ANKHD1: variants seen among roughly 807,000 people sequenced by gnomAD.
ANKHD1 encodes ankyrin repeat and KH domain containing 1.
Under a neutral mutation model 230.5 loss-of-function variants are expected in ANKHD1, and 31 were observed. That is an observed-to-expected ratio of 0.13 (90% CI 0.10 to 0.18). The LOEUF is 0.18. Ranked by LOEUF, ANKHD1 falls within the 10% of genes least tolerant of loss-of-function variation. The pLI, the probability that ANKHD1 is intolerant of heterozygous loss-of-function variation, is 1.00. For missense variants in ANKHD1, 2,256 were observed against 3,071.3 expected, an observed-to-expected ratio of 0.73 and a Z score of 6.27; for synonymous variants, 1,074 against 1,117.6, an observed-to-expected ratio of 0.96 and a Z score of 0.78.
intron 2 of ANKHD1, among the ~76,000 whole-genome samples, chr5:140,437,034 ATATACT>A: frequency 6.6e-6 from 1 of 152,250 alleles, no homozygotes; most frequent in East Asian, 1.9e-4. Flanking sequence ...CAAGGTTTAC[ATATACT>A]TCTAGACTTT....
Position 140,504,867 on chromosome 5 carries a change from C to T in ANKHD1, c.3051C>T (p.Thr1017=). 1.2e-6 allele frequency: 2 copies of T among 1,614,112 alleles called. No individual in the cohort carries two copies. Among genetic ancestry groups the T allele is most frequent in the Non-Finnish European group, 1.7e-6 (2 of 1,180,016 alleles). The change falls in exon 16 of 34, where the codon ACC becomes ACT. Residue 1017 remains threonine, a synonymous_variant. Transcript: ENST00000360839. ...VPTGSNSSSQ[T]TECLTPESCS... is the part of the protein sequence containing the mutation. The stretch of plus-strand genomic sequence containing the variant: ...CTGGTTCCAACAGTTCTTCTCAGAC[C>T]ACAGAGTGTCTTACACCTGAATCCT...
At position 140,459,162 on chromosome 5, in the gene ANKHD1, A is replaced by G; in HGVS notation, c.1481-2A>G. 6.3e-7 allele frequency: 1 copy of G among 1,575,420 alleles called. No individual in the cohort carries two copies. Among genetic ancestry groups the G allele is most frequent in the Non-Finnish European group, 8.6e-7 (1 of 1,159,664 alleles). On this transcript the variant is annotated splice_acceptor_variant, in intron 8 of 33. Coordinates refer to ENST00000360839, the MANE Select transcript of ANKHD1 (RefSeq NM_017747.3). LOFTEE classifies it high-confidence loss of function. ...ATTTTATCTGTTTTTATACTTTCCT[A>G]GGAGCAAATATAAATGCCCAGACAG...
chr5:140,455,086 C>T (rs1475441797), intron 7 of ANKHD1, among the ~76,000 whole-genome samples: 1 of 152,158 alleles, frequency 6.6e-6, no homozygotes, highest in Non-Finnish European at 1.5e-5. Flanking sequence ...TTATAAACAC[C>T]TCTATGCAAA....
chr5:140,433,922 G>C (rs1168644165), intron 1 of ANKHD1, among the ~76,000 whole-genome samples: 1 of 152,114 alleles, frequency 6.6e-6, no homozygotes, highest in Non-Finnish European at 1.5e-5. Flanking sequence ...TGTATGAGCA[G>C]TTGCTTTTCA....
In ANKHD1 at chr5:140,438,771, A is replaced by T. The variant is rs563409175; in HGVS notation, c.617+154A>T. On this transcript the variant is annotated intron_variant, in intron 3 of 33. Transcript: ENST00000360839. ...GTGGATATATAAATGTATATGTATT[A>T]TGTAGCTATACAAATGGATATTTTT... is the stretch of plus-strand genomic sequence containing the variant. Among the ~76,000 whole-genome samples, 84 of 152,348 alleles carry T rather than the reference A, an allele frequency of 5.5e-4. 1 individual carries two copies. Among genetic ancestry groups the T allele is most frequent in the Non-Finnish European group, 9.7e-4 (66 of 68,036 alleles).
chr5:140,417,833 C>CT (rs35322010), intron 1 of ANKHD1, among the ~76,000 whole-genome samples: 34,875 of 106,798 alleles, frequency 0.33, 6,894 homozygotes, highest in East Asian at 0.49. Context: ...CCCATATAGT[C>CT]TTTTTTTTTT....
intron 29 of ANKHD1, among the ~76,000 whole-genome samples, chr5:140,535,003 T>C (rs770816588): frequency 6.6e-6 from 1 of 152,222 alleles, no homozygotes; most frequent in Non-Finnish European, 1.5e-5. Context: ...GCAGGAGTTA[T>C]TGTTGGGTGC....
At chr5:140,484,759 T>C (rs1284775306) in intron 11 of ANKHD1, 1 of 155,562 alleles carries the variant, frequency 6.4e-6, no homozygotes, top group Admixed American at 6.4e-5. Flanking sequence ...CTCACAAATA[T>C]AATATTGAGT....
rs562112459 is a variant in ANKHD1, at chr5:140,434,574, A to G, written c.307-1530A>G. Among the ~76,000 whole-genome samples, 34 of 151,874 alleles carry G rather than the reference A, an allele frequency of 2.2e-4. 1 individual carries two copies. In the South Asian group the frequency reaches 7.0e-3, roughly 31 times the overall value. On this transcript the variant is annotated intron_variant, in intron 1 of 33. Coordinates refer to ENST00000360839, the MANE Select transcript of ANKHD1 (RefSeq NM_017747.3). The stretch of plus-strand genomic sequence containing the variant: ...TACTCATGTTCATATTTACATATAT[A>G]CACATATGTACATTTAGCAAAATAA...
At position 140,402,108 on chromosome 5, in the gene ANKHD1, T is replaced by A. The variant is rs1316765153; in HGVS notation, c.141T>A (p.Phe47Leu). ...TGGGGATCCGCACCGTGAGGCTCTT[T>A]GGGGAGGCCGGGCCAGCGTCGGGAG... ...VGLGIRTVRL[F>L]GEAGPASGVG... The change falls in exon 1 of 34, where the codon TTT (phenylalanine) becomes TTA (leucine). Residue 47 changes from phenylalanine to leucine, a missense_variant. By Grantham distance (22) the Phe-to-Leu change is conservative (BLOSUM62 0). Transcript: ENST00000360839. 4 of 1,534,898 alleles carry A rather than the reference T, an allele frequency of 2.6e-6. No homozygotes were observed. The highest frequency in any genetic ancestry group is 3.5e-6 in the Non-Finnish European group (4 of 1,145,420).
At chr5:140,418,606 A>G (rs191649780) in intron 1 of ANKHD1, among the ~76,000 whole-genome samples, 24 of 152,132 alleles carry the variant, frequency 1.6e-4, no homozygotes, top group African/African-American at 5.8e-4. Flanking sequence ...TTCTGTCTGT[A>G]TGTATTTGCC....
chr5:140,434,349 T>A (rs1285644481), intron 1 of ANKHD1, among the ~76,000 whole-genome samples: 2 of 151,488 alleles, frequency 1.3e-5, no homozygotes, highest in Non-Finnish European at 2.9e-5. Context: ...TCCTGATGTT[T>A]TTCTTTATCT....
At chr5:140,419,794 CTTTCTTTCTTTCTT>C (rs1561690846) in intron 1 of ANKHD1, among the ~76,000 whole-genome samples, 24,216 of 136,880 alleles carry the variant, frequency 0.18, 2,547 homozygotes, top group South Asian at 0.25. Flanking sequence ...TTCTTTCTTT[CTTTCTTTCTTTCTT>C]TCTTTCTTTC....
Position 140,485,438 on chromosome 5 carries a change from GTA to G in ANKHD1, c.1999-140_1999-139del, listed in dbSNP as rs147578041. The G allele has an allele frequency of 0.27, 190,035 of 691,566 alleles. 18,879 individuals carry two copies. The highest frequency in any genetic ancestry group is 0.32 in the East Asian group (6,775 of 21,206). 42.8% of individuals were successfully genotyped at this position (691,566 alleles called of 1,614,324 possible). On this transcript the variant is annotated intron_variant, in intron 12 of 33. Transcript: ENST00000360839. This position sits in a 1 kb window ranked among gnomAD's most constrained non-coding sequence, Gnocchi z 4.8. ...CACACACACACACACGTATGTATGT[GTA>G]TATATATATAAATAATATGTGTATA...
At chr5:140,479,200 T>C (rs1751131858) in intron 10 of ANKHD1, among the ~76,000 whole-genome samples, 1 of 151,254 alleles carries the variant, frequency 6.6e-6, no homozygotes, top group Admixed American at 6.6e-5. Flanking sequence ...GGTTTCACCA[T>C]GTTAGCTTGG....
intron 10 of ANKHD1, among the ~76,000 whole-genome samples, chr5:140,468,787 T>C (rs1333779333): frequency 6.6e-6 from 1 of 152,232 alleles, no homozygotes; most frequent in Non-Finnish European, 1.5e-5. Context: ...TATCTACGCA[T>C]AAACACCTGA....
chr5:140,444,079 T>TC (rs33957556), intron 5 of ANKHD1, among the ~76,000 whole-genome samples: 4,969 of 113,128 alleles, frequency 0.044, 218 homozygotes, highest in African/African-American at 0.11. Flanking sequence ...TGAGATGAAG[T>TC]CCCCCCCCCC....
intron 7 of ANKHD1, among the ~76,000 whole-genome samples, chr5:140,453,591 G>C (rs570124742): frequency 2.6e-5 from 4 of 152,256 alleles, no homozygotes; most frequent in African/African-American, 9.6e-5. Context: ...TTTCAACCCA[G>C]AATTTCATAT....
intron 29 of ANKHD1, among the ~76,000 whole-genome samples, chr5:140,533,967 C>A (rs1220643079): frequency 6.6e-6 from 1 of 152,016 alleles, no homozygotes; most frequent in Admixed American, 6.6e-5. Context: ...GTCAGGAAAG[C>A]ACAGTAATAA....
Sources: gnomAD v4.1 joint callset for allele counts (sites outside exome capture counted in the v4.1 genomes callset) on GRCh38, gnomAD v4.1.1 for gene constraint, Gnocchi (gnomAD v3.1) non-coding constraint, MANE v1.5 for transcripts, NCBI Gene and HGNC (gene_info 2026-07-23, HGNC 2026-07-21) for gene names.